Variants in CNTRL observed in about 807,000 individuals in gnomAD.
The protein encoded by CNTRL is centriolin.
CNTRL carries 233 observed loss-of-function variants against 303.7 expected under a neutral mutation model. That is an observed-to-expected ratio of 0.77 (90% CI 0.69 to 0.86). The LOEUF (loss-of-function observed/expected upper bound fraction) is 0.86. Ranked by LOEUF, CNTRL falls within the 40% of genes least tolerant of loss-of-function variation. CNTRL has a pLI of 0.00. For missense variants in CNTRL, 2,524 were observed against 2,650.6 expected, an observed-to-expected ratio of 0.95 and a Z score of 1.05; for synonymous variants, 900 against 922.2, an observed-to-expected ratio of 0.98 and a Z score of 0.44.
chr9:121,104,776 A>G (rs889803453), intron 7 of CNTRL, among the ~76,000 whole-genome samples: 3 of 140,486 alleles, frequency 2.1e-5, no homozygotes, highest in Non-Finnish European at 4.5e-5. Context: ...ATCTCAGCTC[A>G]CTGCAATCTC....
intron 14 of CNTRL, among the ~76,000 whole-genome samples, chr9:121,128,541 G>A (rs2050670583): frequency 6.6e-6 from 1 of 151,950 alleles, no homozygotes; most frequent in Non-Finnish European, 1.5e-5. Flanking sequence ...CTGGATATTA[G>A]CCCTTTGTCA....
chr9:121,168,885 A>G (rs1030837943), intron 38 of CNTRL, among the ~76,000 whole-genome samples: 1 of 151,936 alleles, frequency 6.6e-6, no homozygotes, highest in Non-Finnish European at 1.5e-5. Flanking sequence ...GGGCTTGGGG[A>G]TCTGAAAGGG....
chr9:121,157,172 C>G (rs114693094), intron 27 of CNTRL, among the ~76,000 whole-genome samples: 1 of 152,058 alleles, frequency 6.6e-6, no homozygotes, highest in Non-Finnish European at 1.5e-5. Context: ...AACATTCTTC[C>G]GTGTTGCTAC....
chr9:121,084,848 A>T (rs979067134), intron 2 of CNTRL, among the ~76,000 whole-genome samples: 1 of 151,996 alleles, frequency 6.6e-6, no homozygotes, highest in African/African-American at 2.4e-5. Flanking sequence ...CCGGCTGAGG[A>T]TGTAATTTTT....
In CNTRL at chr9:121,112,580, T is replaced by A; in HGVS notation, c.1122+2T>A. The A allele has an allele frequency of 1.9e-6, 3 of 1,611,876 alleles. No individual in the cohort carries two copies. Among genetic ancestry groups the A allele is most frequent in the Non-Finnish European group, 2.5e-6 (3 of 1,178,648 alleles). On this transcript the variant is annotated splice_donor_variant, in intron 9 of 43. Coordinates refer to ENST00000373855, the MANE Select transcript of CNTRL (RefSeq NM_007018.6). LOFTEE classifies it high-confidence loss of function. ...CCACTAAATTATTATCCATCAGAGG[T>A]GAGTTATTTTAATTTTTTAGTAATC... is the stretch of plus-strand genomic sequence containing the variant.
In CNTRL at chr9:121,160,226, A is replaced by C; in HGVS notation, c.5013A>C (p.Thr1671=). ...VQISERKTQL[T]LIKQEIEKEE... The stretch of plus-strand genomic sequence containing the variant: ...TTAGTGAAAGAAAAACTCAACTTAC[A>C]CTTATAAAGCAGGAAATTGAAAAAG... Residue 1671 remains threonine (T), a synonymous_variant, in exon 32 of 44, where the codon ACA becomes ACC. Transcript: ENST00000373855. 1.3e-6 allele frequency: 2 copies of C among 1,569,558 alleles called. No homozygotes were observed.
chr9:121,135,994 C>G lies in CNTRL; in HGVS notation c.2202+12C>G. ...CAAGACTTACCCAGGTAAGTAGGAG[C>G]ATGAAGCCAACTGCAAACTAAGGAC... On this transcript the variant is annotated intron_variant, in intron 15 of 43. Coordinates refer to ENST00000373855, the MANE Select transcript of CNTRL (RefSeq NM_007018.6). The G allele has an allele frequency of 6.3e-7, 1 of 1,578,234 alleles. No individual in the cohort carries two copies. Among genetic ancestry groups the G allele is most frequent in the South Asian group, 1.1e-5 (1 of 87,908 alleles).
At chr9:121,097,372 A>G (rs371468687) in intron 6 of CNTRL, among the ~76,000 whole-genome samples, 5 of 152,274 alleles carry the variant, frequency 3.3e-5, no homozygotes, top group African/African-American at 9.6e-5. Context: ...TGGGGAAAAC[A>G]ATCCCTATAC....
At chr9:121,118,063 A>G (rs1364674739) in intron 11 of CNTRL, among the ~76,000 whole-genome samples, 3 of 151,960 alleles carry the variant, frequency 2.0e-5, no homozygotes, top group Admixed American at 2.0e-4. Flanking sequence ...TATTAATACT[A>G]TGTTTATTAT....
Position 121,146,239 on chromosome 9 carries a change from C to T in CNTRL, c.3442C>T (p.Pro1148Ser), listed in dbSNP as rs563687818. ...KRRGYWYFMPPPPSSKVSSHS... is the reference protein window; with the variant it reads ...KRRGYWYFMPSPPSSKVSSHS... The stretch of plus-strand genomic sequence containing the variant: ...ACGAGGCTATTGGTACTTTATGCCA[C>T]CACCACCATCATCAAAAGTAGGAAT... Residue 1148 changes from proline (P) to serine (S), a missense_variant, in exon 23 of 44, where the codon CCA becomes TCA. By Grantham distance (74) the Pro-to-Ser change is moderately conservative. Coordinates refer to ENST00000373855, the MANE Select transcript of CNTRL (RefSeq NM_007018.6). 6.5e-5 allele frequency: 105 copies of T among 1,609,562 alleles called. No homozygotes were observed. Among genetic ancestry groups the T allele is most frequent in the Non-Finnish European group, 8.2e-5 (97 of 1,178,950 alleles).
chr9:121,170,444 C>T (rs2057467), intron 39 of CNTRL, among the ~76,000 whole-genome samples: 54,188 of 151,434 alleles, frequency 0.36, 12,017 homozygotes, highest in South Asian at 0.65. Context: ...GTGCCTGGCT[C>T]ATAGAGAGTT....
At chr9:121,131,156 G>A (rs991543626) in intron 14 of CNTRL, among the ~76,000 whole-genome samples, 3 of 152,204 alleles carry the variant, frequency 2.0e-5, no homozygotes, top group African/African-American at 7.2e-5. Flanking sequence ...TCTGCTTGGT[G>A]CAGAGCTGAG....
chr9:121,098,567 G>T lies in CNTRL; in HGVS notation c.803G>T (p.Ser268Ile). 1.3e-6 allele frequency: 2 copies of T among 1,573,130 alleles called. No individual in the cohort carries two copies. Among genetic ancestry groups the T allele is most frequent in the Non-Finnish European group, 1.7e-6 (2 of 1,163,540 alleles). Reference sequence around the variant, plus strand: ...AGACAGGAGGCTTTTGAGAGATTCAGTTTAGGTAAGATTAAATTTAAAAAA... The same window carrying T: ...AGACAGGAGGCTTTTGAGAGATTCATTTTAGGTAAGATTAAATTTAAAAAA... ...QDRQEAFERFSLEEVERLERD... is the reference protein window; with the variant it reads ...QDRQEAFERFILEEVERLERD... Residue 268 changes from serine to isoleucine, a missense_variant, in exon 7 of 44, where the codon AGT (serine) becomes ATT (isoleucine). Coordinates refer to ENST00000373855, the MANE Select transcript of CNTRL (RefSeq NM_007018.6).
Position 121,168,186 on chromosome 9 carries a change from G to T in CNTRL, c.5935G>T (p.Glu1979Ter). 6.2e-7 allele frequency: 1 copy of T among 1,614,172 alleles called. No homozygotes were observed. Among genetic ancestry groups the T allele is most frequent in the Non-Finnish European group, 8.5e-7 (1 of 1,180,026 alleles). ...ACTGAAGGAGCAACAGCACCAGCTG[G>T]AAAAGGAATTAACAGACCAGAAAAG... ...VTLKEQQHQL[E>*]KELTDQKSKL... Residue 1979 changes from glutamate (E) to a stop codon, truncating the protein, a stop_gained, in exon 38 of 44, where the codon GAA (glutamate) becomes TAA (stop). Transcript: ENST00000373855. LOFTEE classifies it high-confidence loss of function.
chr9:121,143,267 A>G (rs1285459649), intron 19 of CNTRL, among the ~76,000 whole-genome samples: 2 of 152,156 alleles, frequency 1.3e-5, no homozygotes, highest in African/African-American at 2.4e-5. Flanking sequence ...TCTAAAATGT[A>G]TCTGGAATAT....
At chr9:121,130,123 TG>T (rs1248110081) in intron 14 of CNTRL, among the ~76,000 whole-genome samples, 3 of 152,228 alleles carry the variant, frequency 2.0e-5, no homozygotes, top group Admixed American at 6.5e-5. Context: ...TGCCAGGCTT[TG>T]GTATCAGGAT....
chr9:121,146,902 A>G (rs1263015679), intron 23 of CNTRL, among the ~76,000 whole-genome samples: 2 of 152,322 alleles, frequency 1.3e-5, no homozygotes, highest in Non-Finnish European at 2.9e-5. Context: ...ATGGAAGAGG[A>G]GAGTTATTGG....
chr9:121,129,287 T>A (rs1211095012), intron 14 of CNTRL, among the ~76,000 whole-genome samples: 1 of 152,222 alleles, frequency 6.6e-6, no homozygotes, highest in Non-Finnish European at 1.5e-5. Context: ...GGAATGTTCT[T>A]CCATTTGTTT....
chr9:121,086,577 G>T (rs951135591), intron 2 of CNTRL, among the ~76,000 whole-genome samples: 2 of 152,074 alleles, frequency 1.3e-5, no homozygotes, highest in Non-Finnish European at 2.9e-5. Flanking sequence ...CAGATCATGG[G>T]GGACCACCTT....
Sources: gnomAD v4.1 joint callset for allele counts (sites outside exome capture counted in the v4.1 genomes callset) on GRCh38, gnomAD v4.1.1 for gene constraint, MANE v1.5 for transcripts, NCBI Gene and HGNC (gene_info 2026-07-23, HGNC 2026-07-21) for gene names.